The following ATOSA variants were observed in gnomAD, a reference collection of about 807,000 sequenced individuals.
The protein encoded by ATOSA is atos homolog protein A.
At chr15:52,690,593 G>A in the ATOSA span, among the ~76,000 whole-genome samples, 2 of 152,166 alleles carry the variant, frequency 1.3e-5, 1 homozygote, top group African/African-American at 4.8e-5. Context: ...ACCATAAACT[G>A]TTAAGTAGAA....
the ATOSA span, among the ~76,000 whole-genome samples, chr15:52,671,358 C>G: frequency 6.6e-6 from 1 of 152,180 alleles, no homozygotes; most frequent in Non-Finnish European, 1.5e-5. Flanking sequence ...CAGCTGGTAT[C>G]AGTAAAACAA....
chr15:52,649,207 C>T, the ATOSA span, among the ~76,000 whole-genome samples: 4 of 152,228 alleles, frequency 2.6e-5, no homozygotes, highest in East Asian at 7.7e-4. Flanking sequence ...TTTGGCCCTG[C>T]TGACTATGAA....
At chr15:52,705,394 T>C in the ATOSA span, among the ~76,000 whole-genome samples, 3 of 152,058 alleles carry the variant, frequency 2.0e-5, no homozygotes, top group African/African-American at 4.8e-5. Flanking sequence ...TTAGGAGAAA[T>C]ACCTAATGTA....
At chr15:52,590,165 T>C in the ATOSA span, among the ~76,000 whole-genome samples, 2 of 152,180 alleles carry the variant, frequency 1.3e-5, no homozygotes, top group Admixed American at 6.5e-5. Context: ...TTGCTCAGAT[T>C]ATTATGGAAT....
At chr15:52,652,978 A>C in the ATOSA span, among the ~76,000 whole-genome samples, 1 of 152,212 alleles carries the variant, frequency 6.6e-6, no homozygotes, top group Non-Finnish European at 1.5e-5. Context: ...GAATTATAAA[A>C]ATTTCTCATT....
chr15:52,613,957 C>A, the ATOSA span: 11 of 918,648 alleles, frequency 1.2e-5, no homozygotes, highest in Admixed American at 2.2e-4. Context: ...ACACATTATT[C>A]ATTTAACATA....
chr15:52,620,356 G>A, the ATOSA span, among the ~76,000 whole-genome samples: 1 of 152,138 alleles, frequency 6.6e-6, no homozygotes, highest in South Asian at 2.1e-4. Context: ...AAAACCACAG[G>A]AGAGAGACCA....
the ATOSA span, among the ~76,000 whole-genome samples, chr15:52,673,074 C>T: frequency 3.3e-5 from 5 of 152,204 alleles, no homozygotes; most frequent in Non-Finnish European, 5.9e-5. Context: ...CACTAACTGA[C>T]TGGTTTCTTC....
chr15:52,693,928 G>A, the ATOSA span, among the ~76,000 whole-genome samples: 1 of 152,088 alleles, frequency 6.6e-6, no homozygotes, highest in South Asian at 2.1e-4. Flanking sequence ...ATGCGTGTCT[G>A]CACTACTTAA....
chr15:52,673,246 G>A, the ATOSA span, among the ~76,000 whole-genome samples: 7 of 152,222 alleles, frequency 4.6e-5, no homozygotes, highest in Non-Finnish European at 8.8e-5. Flanking sequence ...AGGCAGAGAG[G>A]ACAAGCAGCT....
chr15:52,610,419 T>C, the ATOSA span: 1 of 1,550,358 alleles, frequency 6.5e-7, no homozygotes, highest in Non-Finnish European at 8.7e-7. Context: ...ATTATTGGAT[T>C]ATAAAGGTTA....
the ATOSA span, among the ~76,000 whole-genome samples, chr15:52,610,866 A>G: frequency 6.6e-6 from 1 of 152,224 alleles, no homozygotes. Flanking sequence ...TTTCTACTTT[A>G]TAATAGCAGC....
At chr15:52,660,533 C>T in the ATOSA span, among the ~76,000 whole-genome samples, 3 of 152,180 alleles carry the variant, frequency 2.0e-5, no homozygotes, top group Non-Finnish European at 4.4e-5. Context: ...ACTCTCTTAG[C>T]CTTCGTATAT....
chr15:52,614,826 C>T, the ATOSA span, among the ~76,000 whole-genome samples: 5 of 151,338 alleles, frequency 3.3e-5, no homozygotes, highest in South Asian at 6.3e-4. Flanking sequence ...CCAGCCTGGG[C>T]GACAGAGCAA....
chr15:52,640,076 T>C, the ATOSA span, among the ~76,000 whole-genome samples: 3 of 151,982 alleles, frequency 2.0e-5, no homozygotes, highest in African/African-American at 7.3e-5. Flanking sequence ...TTTTTTCCTA[T>C]TTAATCTTCA....
chr15:52,677,855 A>C, the ATOSA span: 1 of 1,115,810 alleles, frequency 9.0e-7, no homozygotes, highest in Non-Finnish European at 1.3e-6. Flanking sequence ...GCCTTTCTCT[A>C]CCTCACCAGC....
At chr15:52,698,250 A>AT in the ATOSA span, among the ~76,000 whole-genome samples, 1 of 152,004 alleles carries the variant, frequency 6.6e-6, no homozygotes, top group Non-Finnish European at 1.5e-5. Flanking sequence ...AAGTGCTGGG[A>AT]TTACAGGCAT....
chr15:52,583,109 C>T, the ATOSA span, among the ~76,000 whole-genome samples: 9 of 152,202 alleles, frequency 5.9e-5, no homozygotes, highest in Non-Finnish European at 7.3e-5. Context: ...CTCACTCTTC[C>T]CTCCTTTCTG....
At chr15:52,602,911 G>A in the ATOSA span, among the ~76,000 whole-genome samples, 1 of 152,134 alleles carries the variant, frequency 6.6e-6, no homozygotes, top group African/African-American at 2.4e-5. Flanking sequence ...TTTGCCCCAG[G>A]TTACACCTTG....
Sources: gnomAD v4.1 joint callset for allele counts (sites outside exome capture counted in the v4.1 genomes callset) on GRCh38, gnomAD v4.1.1 for gene constraint, MANE v1.5 for transcripts, NCBI Gene and HGNC (gene_info 2026-07-23, HGNC 2026-07-21) for gene names.